The following THUMPD2 variants were observed in gnomAD, a reference collection of about 807,000 sequenced individuals.
The protein encoded by THUMPD2 is THUMP domain 2 tRNA and snRNA guanosine methyltransferase, also known as U6 snRNA (guanine-N(2))-methyltransferase THUMPD2.
In THUMPD2, 56 loss-of-function variants were observed where a neutral mutation model predicts 49.4. That is an observed-to-expected ratio of 1.13 (90% CI 0.91 to 1.41). THUMPD2 has a LOEUF of 1.41. THUMPD2 is among the 40% of genes most tolerant of loss of function. The pLI is 0.00. For missense variants in THUMPD2, 709 were observed against 594.5 expected (o/e 1.19, Z -2.00); for synonymous variants, 237 against 205.2 (o/e 1.15, Z -1.32).
chr2:39,778,975 G>A (rs114812462), intron 1 of THUMPD2, 139 bp downstream of exon 1: 1 of 1,163,584 alleles, frequency 8.6e-7, no homozygotes, highest in Non-Finnish European at 1.1e-6. Context: ...GCGCCTGCCA[G>A]TCAACCTCGG....
At chr2:39,771,006 C>T (rs1337049478) in intron 2 of THUMPD2, among the ~76,000 whole-genome samples, 1 of 121,788 alleles carries the variant, frequency 8.2e-6, no homozygotes, top group Non-Finnish European at 1.9e-5. Context: ...GACAAGGAAT[C>T]TCTTATGCCC....
intron 9 of THUMPD2, among the ~76,000 whole-genome samples, chr2:39,741,299 T>C (rs777727535): frequency 4.6e-5 from 7 of 152,172 alleles, no homozygotes; most frequent in Non-Finnish European, 1.0e-4. Flanking sequence ...TATAAATCCT[T>C]TGCTCCAGGC....
intron 6 of THUMPD2, among the ~76,000 whole-genome samples, chr2:39,756,909 G>GTAATAATAATAA (rs147238410): frequency 7.0e-6 from 1 of 143,616 alleles, no homozygotes; most frequent in Non-Finnish European, 1.5e-5. Context: ...AAGCTAAAAT[G>GTAATAATAATAA]TAATAATAAT....
chr2:39,739,369 G>A (rs188427926), intron 9 of THUMPD2, among the ~76,000 whole-genome samples: 14 of 152,168 alleles, frequency 9.2e-5, no homozygotes, highest in East Asian at 7.7e-4. Context: ...TTCACCCTGC[G>A]TTTATCACTC....
chr2:39,768,702 G>C, intron 3 of THUMPD2: 1 of 670,340 alleles, frequency 1.5e-6, no homozygotes, highest in Non-Finnish European at 2.5e-6. Flanking sequence ...CTAGCCCCCA[G>C]TACACCCCAT....
intron 6 of THUMPD2, among the ~76,000 whole-genome samples, chr2:39,759,736 A>T (rs998538096): frequency 2.4e-4 from 36 of 152,260 alleles, no homozygotes; most frequent in Non-Finnish European, 7.3e-5. Context: ...ACCGGAAGCT[A>T]AATGACAATG....
chr2:39,742,794 G>T (rs933028849), intron 9 of THUMPD2, among the ~76,000 whole-genome samples: 22 of 152,178 alleles, frequency 1.4e-4, no homozygotes, highest in African/African-American at 5.1e-4. Flanking sequence ...CGCCTTCGTG[G>T]GGAGGGGTGG....
intron 8 of THUMPD2, among the ~76,000 whole-genome samples, chr2:39,750,296 TG>T (rs1675218889): frequency 6.6e-6 from 1 of 152,260 alleles, no homozygotes; most frequent in Non-Finnish European, 1.5e-5. Context: ...CCATTCTGAC[TG>T]GCATGAGATG....
chr2:39,752,800 T>TA (rs1030025821), intron 8 of THUMPD2, among the ~76,000 whole-genome samples: 2 of 152,174 alleles, frequency 1.3e-5, no homozygotes, highest in African/African-American at 4.8e-5. Flanking sequence ...GTGTAGAGTT[T>TA]AAAAAATTGT....
intron 1 of THUMPD2, among the ~76,000 whole-genome samples, chr2:39,773,974 C>T (rs1352089510): frequency 6.6e-6 from 1 of 152,132 alleles, no homozygotes; most frequent in East Asian, 1.9e-4. Flanking sequence ...ATACCAATTC[C>T]CAGCCAGGGC....
At chr2:39,747,078 GT>G (rs1426465766) in intron 8 of THUMPD2, among the ~76,000 whole-genome samples, 9 of 152,196 alleles carry the variant, frequency 5.9e-5, no homozygotes, top group African/African-American at 2.2e-4. Context: ...AAAGGACTTA[GT>G]GTGAAATGTT....
At chr2:39,765,349 G>A (rs541841499) in intron 5 of THUMPD2, among the ~76,000 whole-genome samples, 94 of 152,052 alleles carry the variant, frequency 6.2e-4, no homozygotes, top group African/African-American at 2.2e-3. Flanking sequence ...TGGTAGAGAC[G>A]GGACTTCACC....
At chr2:39,770,661 A>G (rs1043967461) in intron 2 of THUMPD2, among the ~76,000 whole-genome samples, 3 of 152,060 alleles carry the variant, frequency 2.0e-5, no homozygotes, top group East Asian at 1.9e-4. Context: ...GCAAAGTTTA[A>G]TCTCTTCTTG....
chr2:39,768,302 G>T, intron 4 of THUMPD2, 122 bp downstream of exon 4: 2 of 789,350 alleles, frequency 2.5e-6, no homozygotes, highest in Non-Finnish European at 4.2e-6. Context: ...ATGGACTGTT[G>T]GATCCCTGTA....
In THUMPD2 at chr2:39,765,981, T is replaced by C. The variant is rs551914786; in HGVS notation, c.803+76A>G. On this transcript the variant is annotated intron_variant, in intron 5 of 9. Coordinates refer to ENST00000505747, the MANE Select transcript of THUMPD2 (RefSeq NM_025264.5). ...CTCTGTTATATGAATGCTTCATTCA[T>C]GCTGTAAATAAAAAACACAAGTTCT... The C allele has an allele frequency of 7.8e-6, 9 of 1,150,592 alleles. No individual in the cohort carries two copies. In the African/African-American group the frequency reaches 1.3e-4, roughly 16 times the overall value. The allele number at this position is 1,150,592 out of a possible 1,614,324, so 71.3% of individuals were successfully genotyped here.
intron 1 of THUMPD2, among the ~76,000 whole-genome samples, chr2:39,772,181 G>C (rs1678419264): frequency 6.6e-6 from 1 of 152,188 alleles, no homozygotes; most frequent in African/African-American, 2.4e-5. Context: ...AAAAGAACAA[G>C]GGGCAGATGC....
intron 5 of THUMPD2, among the ~76,000 whole-genome samples, chr2:39,764,566 T>C (rs1014616473): frequency 1.4e-4 from 21 of 152,340 alleles, no homozygotes; most frequent in African/African-American, 5.1e-4. Flanking sequence ...TTTAGGAACT[T>C]AGGACAAATT....
chr2:39,771,494 A>G lies in THUMPD2; in HGVS notation c.262+11T>C. 6.3e-7 allele frequency: 1 copy of G among 1,586,500 alleles called. No individual in the cohort carries two copies. Among genetic ancestry groups the G allele is most frequent in the Non-Finnish European group, 8.5e-7 (1 of 1,172,366 alleles). Reference sequence around the variant, plus strand: ...GTGGGTAAAAGCAACATGCATATGAATATGCCATACCTTTACTTACAGAAG... The same window carrying G: ...GTGGGTAAAAGCAACATGCATATGAGTATGCCATACCTTTACTTACAGAAG... On this transcript the variant is annotated intron_variant, in intron 2 of 9. Coordinates refer to ENST00000505747, the MANE Select transcript of THUMPD2 (RefSeq NM_025264.5).
chr2:39,762,770 G>A lies in THUMPD2; in HGVS notation c.804-1352C>T, dbSNP rs1056162701. Among the ~76,000 whole-genome samples, 5 of 149,550 alleles carry A rather than the reference G, an allele frequency of 3.3e-5. No homozygotes were observed. In the Admixed American group the frequency reaches 3.4e-4, roughly 10 times the overall value. On this transcript the variant is annotated intron_variant, in intron 5 of 9. Transcript: ENST00000505747. Reference sequence around the variant, plus strand: ...CTAGATGCCAAAACTATAAAACAGAGTTTGCATTCTAGATACCAAAAAGGG... The same window carrying A: ...CTAGATGCCAAAACTATAAAACAGAATTTGCATTCTAGATACCAAAAAGGG...
Sources: gnomAD v4.1 joint callset for allele counts (sites outside exome capture counted in the v4.1 genomes callset) on GRCh38, gnomAD v4.1.1 for gene constraint, MANE v1.5 for transcripts, NCBI Gene and HGNC (gene_info 2026-07-23, HGNC 2026-07-21) for gene names.